THSD7A: variants seen among roughly 807,000 people sequenced by gnomAD.
THSD7A encodes the protein thrombospondin type-1 domain-containing protein 7A.
In THSD7A, 96 loss-of-function variants were observed where a neutral mutation model predicts 231.3. The ratio of observed to expected loss-of-function variants is 0.41; its 90% CI spans 0.35 to 0.49. The LOEUF is 0.49. Among genes scored for constraint, THSD7A ranks in the 20% least tolerant of loss-of-function variants. The probability of loss-of-function intolerance (pLI) is 0.05; values close to 1 mark genes in which losing one functional copy is unlikely to be tolerated. For missense variants in THSD7A, 2,290 were observed against 2,070.2 expected (o/e 1.11, Z -2.06); for synonymous variants, 940 against 743.3 (o/e 1.26, Z -4.30).
chr7:11,464,057 C>A (rs545583212), intron 9 of THSD7A, among the ~76,000 whole-genome samples: 30 of 152,206 alleles, frequency 2.0e-4, no homozygotes, highest in South Asian at 6.2e-4. Flanking sequence ...CATAATTTTT[C>A]TCTCCCTCTT....
At chr7:11,453,480 A>G (rs1315933978) in intron 11 of THSD7A, among the ~76,000 whole-genome samples, 1 of 151,944 alleles carries the variant, frequency 6.6e-6, no homozygotes, top group Non-Finnish European at 1.5e-5. Context: ...AATGCATCCA[A>G]ATTATGTTGG....
chr7:11,522,530 G>A (rs1205891120), intron 6 of THSD7A, among the ~76,000 whole-genome samples: 6 of 151,478 alleles, frequency 4.0e-5, no homozygotes, highest in Admixed American at 2.6e-4. Flanking sequence ...TTTTATTTTC[G>A]GTTGCTACCG....
chr7:11,592,529 G>A (rs1057412084), intron 3 of THSD7A, among the ~76,000 whole-genome samples: 1 of 152,140 alleles, frequency 6.6e-6, no homozygotes, highest in African/African-American at 2.4e-5. Flanking sequence ...ACTGCCAAAT[G>A]TTTCAGAATG....
intron 8 of THSD7A, among the ~76,000 whole-genome samples, chr7:11,470,422 TAC>T (rs1355331908): frequency 2.0e-5 from 3 of 152,050 alleles, no homozygotes; most frequent in Non-Finnish European, 2.9e-5. Flanking sequence ...CAGGTTATTC[TAC>T]AATTTATTTT....
At chr7:11,441,507 G>C (rs1466649577) in intron 13 of THSD7A, among the ~76,000 whole-genome samples, 1 of 152,000 alleles carries the variant, frequency 6.6e-6, no homozygotes, top group Non-Finnish European at 1.5e-5. Flanking sequence ...ACATTTTGAA[G>C]ATGATTAACT....
chr7:11,618,728 C>G (rs1224524640), intron 2 of THSD7A, among the ~76,000 whole-genome samples: 1 of 150,840 alleles, frequency 6.6e-6, no homozygotes, highest in African/African-American at 2.4e-5. Flanking sequence ...GCGGAGCTTG[C>G]AGTGAGCAGA....
chr7:11,606,607 T>C (rs1373934626), intron 2 of THSD7A, among the ~76,000 whole-genome samples: 1 of 152,164 alleles, frequency 6.6e-6, no homozygotes, highest in African/African-American at 2.4e-5. Flanking sequence ...ATAATATTCT[T>C]ATTGAGTTAC....
intron 13 of THSD7A, among the ~76,000 whole-genome samples, chr7:11,429,802 C>CT (rs1784425183): frequency 6.6e-6 from 1 of 152,214 alleles, no homozygotes; most frequent in African/African-American, 2.4e-5. Flanking sequence ...CGATGACTGA[C>CT]TGAGTCCAAG....
intron 1 of THSD7A, among the ~76,000 whole-genome samples, chr7:11,813,249 T>G (rs1409014353): frequency 6.6e-6 from 1 of 152,236 alleles, no homozygotes; most frequent in African/African-American, 2.4e-5. Flanking sequence ...TCATGATTAT[T>G]TCAGCAGATT....
At chr7:11,402,103 G>T in intron 22 of THSD7A, 135 bp from the exon 23 acceptor site, 1 of 669,318 alleles carries the variant, frequency 1.5e-6, no homozygotes, top group Non-Finnish European at 2.4e-6. Flanking sequence ...ATTTAAATAA[G>T]CATTTAATAT....
Position 11,429,335 on chromosome 7 carries a change from C to G in THSD7A, c.3065-210G>C, listed in dbSNP as rs539226689. On this transcript the variant is annotated intron_variant, in intron 13 of 27. Transcript: ENST00000423059. ...CTCTGTTAAAATAACAGTTGAGCAG[C>G]TGCCATGTGATCTGCTTAGGATTCA... Among the ~76,000 whole-genome samples, 10 of 152,310 alleles carry G rather than the reference C, an allele frequency of 6.6e-5. No homozygotes were observed. The South Asian group carries it at 2.1e-3, about 32-fold the overall frequency.
In THSD7A at chr7:11,563,060, A is replaced by T. The variant is rs1790142134; in HGVS notation, c.1454-19943T>A. ...AAAGAAAGCTTTTATCCTGAAAATTAATCAAATTCAATGTTACCAGTGATT... is the reference window on the plus strand; with the variant it reads ...AAAGAAAGCTTTTATCCTGAAAATTTATCAAATTCAATGTTACCAGTGATT... On this transcript the variant is annotated intron_variant, in intron 4 of 27. Coordinates refer to ENST00000423059, the MANE Select transcript of THSD7A (RefSeq NM_015204.3). Among the ~76,000 whole-genome samples the T allele has an allele frequency of 2.6e-5, 4 of 152,218 alleles. 1 individual carries two copies. The highest frequency in any genetic ancestry group is 2.6e-4 in the Admixed American group (4 of 15,278).
intron 1 of THSD7A, among the ~76,000 whole-genome samples, chr7:11,646,728 A>T (rs556088849): frequency 2.6e-5 from 4 of 152,078 alleles, no homozygotes; most frequent in Non-Finnish European, 5.9e-5. Context: ...CACAATTTTC[A>T]CTCTATCTCA....
intron 1 of THSD7A, among the ~76,000 whole-genome samples, chr7:11,801,628 A>G (rs74356051): frequency 0.032 from 4,819 of 152,280 alleles, 268 homozygotes; most frequent in African/African-American, 0.11. Flanking sequence ...TAACACATAT[A>G]ACTTCAAATT....
chr7:11,459,199 C>CT (rs373608337), intron 11 of THSD7A, among the ~76,000 whole-genome samples: 1,837 of 151,010 alleles, frequency 0.012, 34 homozygotes, highest in African/African-American at 0.042. Context: ...CCAAACCCCT[C>CT]TTTTTTTTTA....
At chr7:11,673,208 G>T (rs1021392021) in intron 1 of THSD7A, among the ~76,000 whole-genome samples, 1 of 152,060 alleles carries the variant, frequency 6.6e-6, no homozygotes, top group East Asian at 1.9e-4. Context: ...GTAAGGAAGA[G>T]GTGAGTAAAA....
intron 6 of THSD7A, among the ~76,000 whole-genome samples, chr7:11,513,478 T>C (rs1425158516): frequency 6.6e-6 from 1 of 152,128 alleles, no homozygotes; most frequent in African/African-American, 2.4e-5. Context: ...AATGAAGTAC[T>C]GACTTGTACA....
chr7:11,435,330 A>G (rs1784599944), intron 13 of THSD7A, among the ~76,000 whole-genome samples: 1 of 152,126 alleles, frequency 6.6e-6, no homozygotes, highest in African/African-American at 2.4e-5. Flanking sequence ...TATCTATGTT[A>G]TTCATGGTGG....
At chr7:11,639,102 G>A (rs1001122655) in intron 1 of THSD7A, among the ~76,000 whole-genome samples, 4 of 152,032 alleles carry the variant, frequency 2.6e-5, no homozygotes, top group Admixed American at 6.6e-5. Flanking sequence ...CTCAAATTAA[G>A]AGTAAACTAT....
Sources: allele counts gnomAD v4.1 joint callset (sites outside exome capture counted in the v4.1 genomes callset), GRCh38; gene constraint gnomAD v4.1.1; transcripts MANE v1.5; gene names NCBI Gene and HGNC (gene_info 2026-07-23, HGNC 2026-07-21).